DENND2D: variants seen among roughly 807,000 people sequenced by gnomAD.
The protein encoded by DENND2D is DENN domain containing 2D, also known as DENN domain-containing protein 2D.
Under a neutral mutation model 59.8 loss-of-function variants are expected in DENND2D, and 37 were observed. That is an observed-to-expected ratio of 0.62 (90% CI 0.48 to 0.81). The LOEUF is 0.81. Among genes scored for constraint, DENND2D ranks in the 40% least tolerant of loss-of-function variants. DENND2D has a pLI of 0.00. For synonymous variants in DENND2D, 219 were observed against 211.3 expected, an observed-to-expected ratio of 1.04 and a Z score of -0.31; for missense variants, 525 against 579.7, an observed-to-expected ratio of 0.91 and a Z score of 0.97.
chr1:111,202,362 C>T (rs553387768), upstream of DENND2D: 3 of 152,282 alleles, frequency 2.0e-5, no homozygotes, highest in South Asian at 6.2e-4. Flanking sequence ...AAGGTGTTAT[C>T]CACAGGAGAG....
At chr1:111,203,692 C>G (rs958408309), upstream of DENND2D, among the ~76,000 whole-genome samples, 2 of 152,218 alleles carry the variant, frequency 1.3e-5, no homozygotes, top group Admixed American at 1.3e-4. Context: ...CCTGTCTGGG[C>G]GACACGCTGG....
intron 9 of DENND2D, 47 bp from the exon 10 acceptor site, chr1:111,188,833 G>A (rs1657466836): frequency 6.5e-7 from 1 of 1,540,918 alleles, no homozygotes; most frequent in African/African-American, 1.4e-5. Flanking sequence ...GAAGTGTGGA[G>A]TGAAGGTGGT....
intron 3 of DENND2D, 65 bp downstream of exon 3, chr1:111,198,565 C>T: frequency 6.7e-7 from 1 of 1,490,132 alleles, no homozygotes; most frequent in African/African-American, 1.4e-5. Context: ...GCTACAGGAG[C>T]CACAGAACTC....
intron 5 of DENND2D, chr1:111,196,808 A>G (rs1352759331): frequency 8.3e-6 from 2 of 241,366 alleles, no homozygotes; most frequent in East Asian, 1.7e-4. Context: ...GTCTTCTCAT[A>G]TATCACCTCA....
intron 8 of DENND2D, among the ~76,000 whole-genome samples, chr1:111,191,898 G>A (rs1657808515): frequency 6.6e-6 from 1 of 152,176 alleles, no homozygotes; most frequent in African/African-American, 2.4e-5. Flanking sequence ...CCTTCAGAAG[G>A]GAACCTGCAT....
In DENND2D at chr1:111,188,261, G is replaced by A. The variant is rs758272156; in HGVS notation, c.1209C>T (p.His403=). ...CCTTACAGAAGGATCTTTCTTGGAA[G>A]TGGCCTTGCCCATTTGCCTCCCGCT... ...YIKREANGQG[H]FQERSFCKAL... Residue 403 remains histidine, a synonymous_variant, in exon 11 of 12, where the codon CAC becomes CAT. Coordinates refer to ENST00000357640, the MANE Select transcript of DENND2D (RefSeq NM_024901.5). The A allele has an allele frequency of 3.7e-6, 6 of 1,614,224 alleles. No homozygotes were observed. Among genetic ancestry groups the A allele is most frequent in the South Asian group, 3.3e-5 (3 of 91,082 alleles).
intron 1 of DENND2D, 56 bp from the exon 2 acceptor site, chr1:111,199,854 G>A: frequency 6.4e-7 from 1 of 1,567,146 alleles, no homozygotes; most frequent in Non-Finnish European, 8.6e-7. Flanking sequence ...TCCTGGAGTG[G>A]AGTCTGTGAG....
chr1:111,198,140 T>A (rs1658428114), intron 3 of DENND2D, 151 bp from the exon 4 acceptor site: 2 of 687,196 alleles, frequency 2.9e-6, no homozygotes, highest in Non-Finnish European at 5.0e-6. Context: ...CCTAAACACA[T>A]CATCTCATCT....
At chr1:111,203,817 C>T (rs532779468), upstream of DENND2D, among the ~76,000 whole-genome samples, 5 of 152,264 alleles carry the variant, frequency 3.3e-5, no homozygotes, top group East Asian at 7.7e-4. Flanking sequence ...GTGTTTGTGG[C>T]CGGTGGCTAT....
intron 1 of DENND2D, 171 bp downstream of exon 1, chr1:111,200,222 G>C: frequency 1.2e-6 from 1 of 830,440 alleles, no homozygotes. Flanking sequence ...CCCAGAGAGG[G>C]CATGACCAGC....
upstream of DENND2D, among the ~76,000 whole-genome samples, chr1:111,203,835 G>A (rs1659041689): frequency 6.6e-6 from 1 of 152,148 alleles, no homozygotes; most frequent in Admixed American, 6.5e-5. Flanking sequence ...TATCTGCTGG[G>A]CAGGGGCAGG....
intron 1 of DENND2D, 73 bp downstream of exon 1, chr1:111,200,320 C>G (rs146091714): frequency 5.2e-6 from 8 of 1,547,736 alleles, no homozygotes; most frequent in Admixed American, 1.9e-5. Context: ...GAGGAAGGAG[C>G]ATTTCAAGGA....
rs1457248293 is a variant in DENND2D at position 111,197,818 on chromosome 1, G to A, written c.426+102C>T. On this transcript the variant is annotated intron_variant, in intron 4 of 11. Coordinates refer to ENST00000357640, the MANE Select transcript of DENND2D (RefSeq NM_024901.5). The stretch of plus-strand genomic sequence containing the variant: ...GGGCTGTGCTTTTTCTACAACCAGT[G>A]CTGCCAATAAGCCCGGAGTTTTGCA... The A allele has an allele frequency of 1.9e-6, 3 of 1,566,844 alleles. No homozygotes were observed. In the Admixed American group the frequency reaches 5.6e-5, roughly 29 times the overall value.
chr1:111,200,380 G>A lies in DENND2D; in HGVS notation c.67+13C>T. 1 of 1,610,092 alleles carries A rather than the reference G, an allele frequency of 6.2e-7. No individual in the cohort carries two copies. The highest frequency in any genetic ancestry group is 8.5e-7 in the Non-Finnish European group (1 of 1,177,962). On this transcript the variant is annotated intron_variant, in intron 1 of 11. Coordinates refer to ENST00000357640, the MANE Select transcript of DENND2D (RefSeq NM_024901.5). ...CACCCTAAAAACAAGGAAGTAGGCAGTCCAGTCCTGACCTGCTCGGAGTTG... is the reference window on the plus strand; with the variant it reads ...CACCCTAAAAACAAGGAAGTAGGCAATCCAGTCCTGACCTGCTCGGAGTTG...
chr1:111,190,030 G>A (rs986007797), intron 8 of DENND2D, among the ~76,000 whole-genome samples: 10 of 152,120 alleles, frequency 6.6e-5, no homozygotes, highest in East Asian at 1.9e-4. Flanking sequence ...CGGGTGTGGT[G>A]GCGGGCGCCT....
At position 111,187,023 on chromosome 1, in the gene DENND2D, G is replaced by A. The variant is rs2101432253; in HGVS notation, c.*582C>T. 6.6e-6 allele frequency among the ~76,000 whole-genome samples: 1 copy of A among 152,214 alleles called. No individual in the cohort carries two copies. The highest frequency in any genetic ancestry group is 2.4e-5 in the African/African-American group (1 of 41,520). ...GTATCTCTTACCCTTCCGGTTAGAA[G>A]AAGTAGAGCTGCTGCCCCCCATGAT... On this transcript the variant is annotated 3_prime_UTR_variant, in exon 12 of 12. Coordinates refer to ENST00000357640, the MANE Select transcript of DENND2D (RefSeq NM_024901.5).
Position 111,194,739 on chromosome 1 carries a change from C to CAG in DENND2D, c.646-15_646-14dup. ...TCAGTGAAATGAACTGTGGGGAAACCAGAGAGAGAGAAGGTGTCACTATAC... is the reference window on the plus strand; with the variant it reads ...TCAGTGAAATGAACTGTGGGGAAACCAGAGAGAGAGAGAAGGTGTCACTATAC... On this transcript the variant is annotated splice_polypyrimidine_tract_variant and intron_variant, in intron 6 of 11. Transcript: ENST00000357640. The CAG allele has an allele frequency of 6.2e-7, 1 of 1,606,226 alleles. No individual in the cohort carries two copies. The highest frequency in any genetic ancestry group is 8.5e-7 in the Non-Finnish European group (1 of 1,173,950).
chr1:111,187,251 A>G lies in DENND2D; in HGVS notation c.*354T>C, dbSNP rs1046198009. The G allele has an allele frequency of 6.8e-5, 15 of 219,094 alleles. No homozygotes were observed. The highest frequency in any genetic ancestry group is 3.4e-4 in the African/African-American group (15 of 44,182). 13.6% of individuals were successfully genotyped at this position (219,094 alleles called of 1,614,324 possible). On this transcript the variant is annotated 3_prime_UTR_variant, in exon 12 of 12. Coordinates refer to ENST00000357640, the MANE Select transcript of DENND2D (RefSeq NM_024901.5). Reference sequence around the variant, plus strand: ...TGTAGAGAGGCTGAGCCTTTCGACCACAAAGTGTGTTCTGTGTTGAAGATG... The same window carrying G: ...TGTAGAGAGGCTGAGCCTTTCGACCGCAAAGTGTGTTCTGTGTTGAAGATG...
intron 2 of DENND2D, 37 bp from the exon 3 acceptor site, chr1:111,198,779 TG>T: frequency 1.2e-6 from 2 of 1,609,414 alleles, no homozygotes; most frequent in East Asian, 2.2e-5. Flanking sequence ...GATGTGAAGC[TG>T]GGGGCAGAGA....
Sources: gnomAD v4.1 joint callset for allele counts (sites outside exome capture counted in the v4.1 genomes callset) on GRCh38, gnomAD v4.1.1 for gene constraint, MANE v1.5 for transcripts, NCBI Gene and HGNC (gene_info 2026-07-23, HGNC 2026-07-21) for gene names.